SNX13: variants seen among roughly 807,000 people sequenced by gnomAD.
SNX13 encodes the protein sorting nexin 13, also known as sorting nexin-13.
In SNX13, 45 loss-of-function variants were observed where a neutral mutation model predicts 133.6. That is an observed-to-expected ratio of 0.34 (90% confidence interval 0.27 to 0.43). The LOEUF (loss-of-function observed/expected upper bound fraction) is 0.43, where lower values mean the gene tolerates loss of function less well. Ranked by LOEUF, SNX13 falls within the 20% of genes least tolerant of loss-of-function variation. The pLI, the probability that SNX13 is intolerant of heterozygous loss-of-function variation, is 1.00. For missense variants in SNX13, 1,032 were observed against 1,145.1 expected, an observed-to-expected ratio of 0.90 and a Z score of 1.43; for synonymous variants, 414 against 373.9, an observed-to-expected ratio of 1.11 and a Z score of -1.24.
intron 1 of SNX13, among the ~76,000 whole-genome samples, chr7:17,935,010 T>C (rs1801859668): frequency 6.6e-6 from 1 of 152,152 alleles, no homozygotes; most frequent in African/African-American, 2.4e-5. Flanking sequence ...CCATACAATC[T>C]CACTCCTGGG....
intron 13 of SNX13, among the ~76,000 whole-genome samples, chr7:17,838,097 A>G (rs1789365859): frequency 6.6e-6 from 1 of 151,948 alleles, no homozygotes; most frequent in South Asian, 2.1e-4. Flanking sequence ...TTCTTGTCCT[A>G]TACTTAAAAA....
intron 21 of SNX13, among the ~76,000 whole-genome samples, chr7:17,803,059 G>A (rs1049396081): frequency 1.3e-5 from 2 of 152,102 alleles, no homozygotes; most frequent in African/African-American, 2.4e-5. Flanking sequence ...GTGAATACTA[G>A]TATAACTCAT....
At chr7:17,934,898 G>T (rs1801849463) in intron 1 of SNX13, among the ~76,000 whole-genome samples, 1 of 152,140 alleles carries the variant, frequency 6.6e-6, no homozygotes, top group Non-Finnish European at 1.5e-5. Context: ...CCATGAATGT[G>T]AAGAAAAGGG....
At chr7:17,844,228 G>C (rs1442769388) in intron 12 of SNX13, among the ~76,000 whole-genome samples, 1 of 151,962 alleles carries the variant, frequency 6.6e-6, no homozygotes. Context: ...GGAAGTGAAA[G>C]TGGGGATATT....
intron 1 of SNX13, among the ~76,000 whole-genome samples, chr7:17,907,053 T>C (rs1402647085): frequency 6.6e-6 from 1 of 152,194 alleles, no homozygotes. Flanking sequence ...TTGTATTGTG[T>C]TTATAATTTT....
intron 8 of SNX13, 115 bp from the exon 9 acceptor site, chr7:17,868,605 T>C (rs1793686648): frequency 4.2e-6 from 3 of 706,646 alleles, no homozygotes; most frequent in Admixed American, 3.1e-5. Flanking sequence ...TACATGTAAC[T>C]AGGACTTGAT....
At chr7:17,919,767 CACATCTAAA>C (rs1279059546) in intron 1 of SNX13, among the ~76,000 whole-genome samples, 20 of 152,144 alleles carry the variant, frequency 1.3e-4, no homozygotes, top group Admixed American at 2.6e-4. Context: ...TTTTATCTTG[CACATCTAAA>C]ACATCTAAAA....
At chr7:17,911,303 T>C (rs1798953585) in intron 1 of SNX13, among the ~76,000 whole-genome samples, 3 of 152,168 alleles carry the variant, frequency 2.0e-5, no homozygotes, top group South Asian at 2.1e-4. Context: ...AAGTAGTACT[T>C]AACGTTCTCA....
rs1202124507 is a variant in SNX13, at chr7:17,791,869, C to T, written c.*2176G>A. On this transcript the variant is annotated 3_prime_UTR_variant, in exon 26 of 26. Coordinates refer to ENST00000428135, the MANE Select transcript of SNX13 (RefSeq NM_015132.5). ...AGATGTGCATAGAGAAGGTGCACCA[C>T]CATTTACAAAGACTATCATTTGACA... 1 of 151,958 alleles carries T rather than the reference C, an allele frequency of 6.6e-6. No individual in the cohort carries two copies. Among genetic ancestry groups the T allele is most frequent in the Non-Finnish European group, 1.5e-5 (1 of 67,922 alleles). The allele number at this position is 151,958 out of a possible 1,614,324, so 9.4% of individuals were successfully genotyped here.
At chr7:17,831,913 A>G in intron 15 of SNX13, 1 of 984,394 alleles carries the variant, frequency 1.0e-6, no homozygotes. Context: ...AACAAAGCTG[A>G]CAGTTACTTT....
chr7:17,795,649 T>C (rs1783963663), intron 25 of SNX13: 1 of 151,700 alleles, frequency 6.6e-6, no homozygotes, highest in African/African-American at 2.4e-5. Flanking sequence ...CTATTTCTAC[T>C]GGAAAGTAAG....
At chr7:17,885,657 G>A (rs1460818459) in intron 5 of SNX13, among the ~76,000 whole-genome samples, 11 of 152,066 alleles carry the variant, frequency 7.2e-5, no homozygotes, top group Non-Finnish European at 4.4e-5. Flanking sequence ...GTGAAACCCC[G>A]TCTCTACTAG....
chr7:17,870,323 ACT>A (rs1263436944), intron 8 of SNX13, among the ~76,000 whole-genome samples: 2 of 152,120 alleles, frequency 1.3e-5, no homozygotes, highest in Non-Finnish European at 2.9e-5. Context: ...GAAAATTAAA[ACT>A]CTTTCGTCTG....
intron 9 of SNX13, among the ~76,000 whole-genome samples, chr7:17,856,785 T>TAAAAAAAAAAAAAAAAAAAAAAAAAAAAA (rs200753998): frequency 1.0e-5 from 1 of 97,578 alleles, no homozygotes; most frequent in Non-Finnish European, 2.1e-5. Flanking sequence ...GAGACTCTCT[T>TAAAAAAAAAAAAAAAAAAAAAAAAAAAAA]AAAAAAAAAA....
rs537948748 is a variant in SNX13, at chr7:17,817,338, A to C, written c.1846-1049T>G. ...ACCTGACCAACAGCCTAGTGCTGAA[A>C]TTCAAACAGCCTTACCACTTTTCCC... On this transcript the variant is annotated intron_variant, in intron 18 of 25. Transcript: ENST00000428135. Among the ~76,000 whole-genome samples the C allele has an allele frequency of 2.5e-3, 378 of 152,366 alleles. 1 individual carries two copies. Among genetic ancestry groups the C allele is most frequent in the Non-Finnish European group, 4.5e-3 (303 of 68,034 alleles).
Position 17,816,524 on chromosome 7 carries a change from G to T in SNX13, c.1846-235C>A, listed in dbSNP as rs188921271. Among the ~76,000 whole-genome samples the T allele has an allele frequency of 2.0e-4, 30 of 152,304 alleles. 1 individual carries two copies. In the East Asian group the frequency reaches 5.8e-3, roughly 29 times the overall value. Reference sequence around the variant, plus strand: ...TAAAAATACAAAATTAGCTGGGCATGGTGGCACATGCCTGTAATCCCAGCT... The same window carrying T: ...TAAAAATACAAAATTAGCTGGGCATTGTGGCACATGCCTGTAATCCCAGCT... On this transcript the variant is annotated intron_variant, in intron 18 of 25. Transcript: ENST00000428135.
intron 3 of SNX13, 82 bp from the exon 4 acceptor site, chr7:17,891,717 T>A: frequency 2.3e-6 from 2 of 853,238 alleles, no homozygotes; most frequent in Non-Finnish European, 3.8e-6. Flanking sequence ...ATACTCAATG[T>A]AACATCCCTT....
In SNX13 at chr7:17,890,452, C is replaced by T; in HGVS notation, c.351G>A (p.Gln117=). The change falls in exon 5 of 26, where the codon CAG becomes CAA. Residue 117 remains glutamine (Q), a synonymous_variant. Transcript: ENST00000428135. ...VIQFSLRDYV[Q]YWYYTLSDDE... ...CATCGCTTAGTGTATAATACCAATA[C>T]TGGACATAATCCCTCAAGGAAAACT... 1 of 1,598,874 alleles carries T rather than the reference C, an allele frequency of 6.3e-7. No homozygotes were observed. Among genetic ancestry groups the T allele is most frequent in the Non-Finnish European group, 8.5e-7 (1 of 1,171,504 alleles).
chr7:17,862,263 T>C (rs955459458), intron 9 of SNX13, among the ~76,000 whole-genome samples: 1 of 152,208 alleles, frequency 6.6e-6, no homozygotes, highest in Non-Finnish European at 1.5e-5. Context: ...TTAATAATTA[T>C]ATCCTGATTA....
Sources: allele counts gnomAD v4.1 joint callset (sites outside exome capture counted in the v4.1 genomes callset), GRCh38; gene constraint gnomAD v4.1.1; transcripts MANE v1.5; gene names NCBI Gene and HGNC (gene_info 2026-07-23, HGNC 2026-07-21).